The following NSD3 variants were observed in gnomAD, a reference collection of about 807,000 sequenced individuals.
The protein encoded by NSD3 is histone-lysine N-methyltransferase NSD3.
In NSD3, 24 loss-of-function variants were observed where a neutral mutation model predicts 160.8. The observed-to-expected ratio is 0.15, with a 90% CI of 0.11 to 0.21. The LOEUF (loss-of-function observed/expected upper bound fraction) is 0.21, where lower values mean the gene tolerates loss of function less well. NSD3 is among the 10% of genes least tolerant of loss of function. The probability of loss-of-function intolerance (pLI) is 1.00; values close to 1 mark genes in which losing one functional copy is unlikely to be tolerated. For synonymous variants in NSD3, 520 were observed against 600.0 expected (o/e 0.87, Z 1.95); for missense variants, 1,157 against 1,735.9 (o/e 0.67, Z 5.93).
In NSD3 at chr8:38,382,171, C is replaced by G. The variant is rs1811601290; in HGVS notation, c.-417G>C. 2 of 153,442 alleles carry G rather than the reference C, an allele frequency of 1.3e-5. No individual in the cohort carries two copies. Among genetic ancestry groups the G allele is most frequent in the Non-Finnish European group, 2.9e-5 (2 of 68,430 alleles). 9.5% of individuals were successfully genotyped at this position (153,442 alleles called of 1,614,324 possible). A position where few individuals can be genotyped will look rare whatever the true frequency, so the allele number is the denominator to read the frequency against. On this transcript the variant is annotated 5_prime_UTR_variant, in exon 1 of 24. Coordinates refer to ENST00000317025, the MANE Select transcript of NSD3 (RefSeq NM_023034.2). The surrounding 1 kb of genome is among the most constrained non-coding windows in gnomAD (Gnocchi z 4.2). ...GGTCCTCGGCGCTCGGCTCGGAATT[C>G]GCACGCCTCTCCGCGGCGACCTGTG...
At chr8:38,337,154 G>GA (rs1247952418) in intron 4 of NSD3, 151 bp downstream of exon 4, 22,568 of 528,554 alleles carry the variant, frequency 0.043, 1 homozygote, top group Middle Eastern at 0.058. Context: ...AAAAAAAAAA[G>GA]AAAAAAAAAA....
At chr8:38,368,114 G>A (rs576908832) in intron 1 of NSD3, among the ~76,000 whole-genome samples, 1 of 152,196 alleles carries the variant, frequency 6.6e-6, no homozygotes, top group East Asian at 1.9e-4. Context: ...CAAGTAGCTG[G>A]GATTACAGGC....
intron 1 of NSD3, among the ~76,000 whole-genome samples, chr8:38,351,872 G>A (rs1435110149): frequency 6.6e-6 from 1 of 151,874 alleles, no homozygotes; most frequent in Admixed American, 6.6e-5. Flanking sequence ...GGCCTGTTGT[G>A]GGGTGGGGGG....
intron 1 of NSD3, among the ~76,000 whole-genome samples, chr8:38,359,520 AC>A (rs1056843362): frequency 6.6e-5 from 10 of 152,224 alleles, no homozygotes; most frequent in Non-Finnish European, 1.5e-4. Flanking sequence ...TCTGGAGGAA[AC>A]AAAAAGTAAA....
At chr8:38,358,263 C>G (rs905201044) in intron 1 of NSD3, among the ~76,000 whole-genome samples, 6 of 152,004 alleles carry the variant, frequency 3.9e-5, no homozygotes, top group African/African-American at 1.4e-4. Flanking sequence ...GATAGATGTA[C>G]ATGAGAATTT....
At chr8:38,322,818 C>T (rs1327356221) in intron 7 of NSD3, among the ~76,000 whole-genome samples, 4 of 152,164 alleles carry the variant, frequency 2.6e-5, no homozygotes, top group Non-Finnish European at 5.9e-5. Flanking sequence ...CTGAAATTTA[C>T]TAAGAAAAGG....
At chr8:38,370,186 G>C (rs982500826) in intron 1 of NSD3, among the ~76,000 whole-genome samples, 2 of 152,094 alleles carry the variant, frequency 1.3e-5, no homozygotes, top group Admixed American at 6.6e-5. Context: ...TTAGAACAAA[G>C]CAAACCTCTC....
intron 2 of NSD3, among the ~76,000 whole-genome samples, chr8:38,343,354 A>G (rs1306874427): frequency 6.6e-6 from 1 of 152,182 alleles, no homozygotes; most frequent in East Asian, 1.9e-4. Context: ...TAAAGGTAAT[A>G]AATTGTGCAT....
chr8:38,353,017 A>G (rs1221200879), intron 1 of NSD3, among the ~76,000 whole-genome samples: 2 of 152,226 alleles, frequency 1.3e-5, no homozygotes, highest in East Asian at 1.9e-4. Flanking sequence ...AGTGCTTGAC[A>G]TAAGTACTAC....
At chr8:38,293,190 T>C (rs888105769) in intron 16 of NSD3, among the ~76,000 whole-genome samples, 5 of 147,900 alleles carry the variant, frequency 3.4e-5, no homozygotes, top group Admixed American at 3.4e-4. Flanking sequence ...TTGATTTCAA[T>C]ACCCCAGATC....
intron 6 of NSD3, 76 bp from the exon 7 acceptor site, chr8:38,326,932 G>A: frequency 6.7e-7 from 1 of 1,489,966 alleles, no homozygotes; most frequent in Non-Finnish European, 9.0e-7. Flanking sequence ...TTATAAAGAT[G>A]GCTTAAAATG....
At chr8:38,286,870 G>A (rs957370997) in intron 19 of NSD3, among the ~76,000 whole-genome samples, 7 of 152,156 alleles carry the variant, frequency 4.6e-5, no homozygotes, top group Non-Finnish European at 8.8e-5. Context: ...CCACACACAC[G>A]GCAAACAGCG....
rs1230062594 is a variant in NSD3, at chr8:38,316,206, T to C, written c.1856-164A>G. Reference sequence around the variant, plus strand: ...TAATGAGTCAAAACTTCAGAACTTCTGACCTTCCTGGTAGTGACTGATTTA... The same window carrying C: ...TAATGAGTCAAAACTTCAGAACTTCCGACCTTCCTGGTAGTGACTGATTTA... On this transcript the variant is annotated intron_variant, in intron 9 of 23. Transcript: ENST00000317025. The surrounding 1 kb of genome is among the most constrained non-coding windows in gnomAD (Gnocchi z 4.5). 1.3e-5 allele frequency among the ~76,000 whole-genome samples: 2 copies of C among 152,244 alleles called. No homozygotes were observed. The highest frequency in any genetic ancestry group is 1.3e-4 in the Admixed American group (2 of 15,284).
At chr8:38,295,539 T>C (rs1041861258) in intron 16 of NSD3, among the ~76,000 whole-genome samples, 7 of 151,972 alleles carry the variant, frequency 4.6e-5, no homozygotes, top group Non-Finnish European at 1.0e-4. Context: ...GCCTTGGTGA[T>C]AGAGCCAAAC....
chr8:38,348,889 G>T (rs1175516690), intron 1 of NSD3, among the ~76,000 whole-genome samples: 2 of 152,004 alleles, frequency 1.3e-5, no homozygotes, highest in Admixed American at 6.6e-5. Flanking sequence ...GAACTCTTGG[G>T]CTCAAGCAAT....
intron 1 of NSD3, among the ~76,000 whole-genome samples, chr8:38,368,673 C>G (rs1351701133): frequency 1.3e-5 from 2 of 152,110 alleles, no homozygotes; most frequent in East Asian, 3.8e-4. Context: ...AGTAAAACAC[C>G]CTGTTTCCCT....
intron 1 of NSD3, among the ~76,000 whole-genome samples, chr8:38,377,180 G>A (rs1811413669): frequency 6.6e-6 from 1 of 152,178 alleles, no homozygotes; most frequent in Admixed American, 6.5e-5. Context: ...AGCCTCCGGA[G>A]TAGCCGGGAT....
chr8:38,314,022 T>C (rs1809599076), intron 12 of NSD3, among the ~76,000 whole-genome samples: 1 of 152,122 alleles, frequency 6.6e-6, no homozygotes, highest in African/African-American at 2.4e-5. Context: ...TCAACATGTT[T>C]CCTAGAAGCA....
At chr8:38,286,581 T>C (rs1221950465) in intron 19 of NSD3, among the ~76,000 whole-genome samples, 1 of 152,222 alleles carries the variant, frequency 6.6e-6, no homozygotes, top group Non-Finnish European at 1.5e-5. Flanking sequence ...TGGTAACATT[T>C]GTGTGTGGCA....
Sources: allele counts gnomAD v4.1 joint callset (sites outside exome capture counted in the v4.1 genomes callset), GRCh38; gene constraint gnomAD v4.1.1; non-coding constraint Gnocchi (gnomAD v3.1); transcripts MANE v1.5; gene names NCBI Gene and HGNC (gene_info 2026-07-23, HGNC 2026-07-21).